The following PLB1 variants were observed in gnomAD, a reference collection of about 807,000 sequenced individuals.
PLB1 encodes the protein phospholipase B1, also known as phospholipase B1, membrane-associated.
PLB1 carries 242 observed loss-of-function variants against 227.4 expected under a neutral mutation model. The ratio of observed to expected loss-of-function variants is 1.06; its 90% CI spans 0.96 to 1.18. The LOEUF (loss-of-function observed/expected upper bound fraction) is 1.18. Ranked by LOEUF, PLB1 falls within the 50% of genes most tolerant of loss-of-function variation. The pLI, the probability that PLB1 is intolerant of heterozygous loss-of-function variation, is 0.00. For missense variants in PLB1, 1,858 were observed against 1,816.3 expected, an observed-to-expected ratio of 1.02 and a Z score of -0.42; for synonymous variants, 757 against 682.2, an observed-to-expected ratio of 1.11 and a Z score of -1.71.
intron 11 of PLB1, among the ~76,000 whole-genome samples, chr2:28,539,829 G>A (rs1386219597): frequency 6.6e-6 from 1 of 151,866 alleles, no homozygotes; most frequent in Admixed American, 6.6e-5. Context: ...CGGGGAGGAG[G>A]AGGACTGAGA....
intron 13 of PLB1, 50 bp downstream of exon 13, chr2:28,541,861 G>C: frequency 1.4e-6 from 2 of 1,441,390 alleles, no homozygotes; most frequent in Non-Finnish European, 1.9e-6. Flanking sequence ...GGCCGGGCAT[G>C]GTGGCTCACT....
intron 6 of PLB1, among the ~76,000 whole-genome samples, chr2:28,526,679 G>A (rs543541216): frequency 1.3e-5 from 2 of 152,210 alleles, no homozygotes; most frequent in Non-Finnish European, 2.9e-5. Flanking sequence ...AAACCACTTC[G>A]CCGTCCGTAT....
intron 23 of PLB1, among the ~76,000 whole-genome samples, chr2:28,581,491 AAATAAATAAAT>A (rs1558821390): frequency 1.3e-3 from 9 of 7,180 alleles, no homozygotes; most frequent in African/African-American, 3.1e-3. Context: ...GCAAAAAAAT[AAATAAATAAAT>A]AAATAAATAA....
At chr2:28,537,036 G>A (rs1303899031) in intron 9 of PLB1, among the ~76,000 whole-genome samples, 1 of 152,186 alleles carries the variant, frequency 6.6e-6, no homozygotes, top group Non-Finnish European at 1.5e-5. Flanking sequence ...GGAAAGAGAG[G>A]GTGATGTTTG....
intron 17 of PLB1, among the ~76,000 whole-genome samples, chr2:28,554,489 CTTT>C (rs536476788): frequency 7.5e-4 from 64 of 85,462 alleles, no homozygotes; most frequent in African/African-American, 2.3e-3. Context: ...CCACACCTGC[CTTT>C]TTTTTTTTTT....
chr2:28,573,439 A>G (rs1478269140), intron 21 of PLB1, 134 bp downstream of exon 21: 4 of 672,170 alleles, frequency 6.0e-6, no homozygotes, highest in Non-Finnish European at 7.9e-6. Flanking sequence ...CAAAGCCTGG[A>G]CAGAGCTCTC....
intron 25 of PLB1, among the ~76,000 whole-genome samples, chr2:28,585,225 A>C (rs1680704916): frequency 6.6e-6 from 1 of 152,130 alleles, no homozygotes. Context: ...TACAGAAATC[A>C]GAAGAAGTCT....
At chr2:28,557,148 G>A (rs1249695011) in intron 17 of PLB1, among the ~76,000 whole-genome samples, 4 of 152,100 alleles carry the variant, frequency 2.6e-5, no homozygotes, top group African/African-American at 7.2e-5. Context: ...GCTACTGAGC[G>A]AGTTCAAACT....
Position 28,643,251 on chromosome 2 carries a change from A to G in PLB1, c.*190A>G. ...TCCTGGAATGGATACATTTAAATAA[A>G]GTCCAAAGCTATTTTATTCCTGGGT... On this transcript the variant is annotated 3_prime_UTR_variant, in exon 58 of 58. Transcript: ENST00000327757. The G allele has an allele frequency of 4.0e-6, 2 of 501,024 alleles. No individual in the cohort carries two copies. The allele number at this position is 501,024 out of a possible 1,614,324, so 31.0% of individuals were successfully genotyped here.
chr2:28,546,935 C>T (rs1276124435), intron 14 of PLB1, among the ~76,000 whole-genome samples: 1 of 152,058 alleles, frequency 6.6e-6, no homozygotes, highest in Non-Finnish European at 1.5e-5. Flanking sequence ...CGTGGTGGCT[C>T]ATGCTTGTAA....
intron 1 of PLB1, among the ~76,000 whole-genome samples, chr2:28,499,268 G>T (rs1488171576): frequency 2.6e-5 from 4 of 151,676 alleles, no homozygotes; most frequent in Non-Finnish European, 5.9e-5. Context: ...GCTGTTTAAT[G>T]CTCCCACCAG....
chr2:28,608,424 G>A (rs1359697609), intron 43 of PLB1, among the ~76,000 whole-genome samples: 1 of 152,196 alleles, frequency 6.6e-6, no homozygotes, highest in Non-Finnish European at 1.5e-5. Context: ...ACGCAGTGGG[G>A]GGCGGGAGGC....
In PLB1 at chr2:28,541,795, C is replaced by T; in HGVS notation, c.863C>T (p.Thr288Ile). The change falls in exon 13 of 58, where the codon ACC becomes ATC. Residue 288 changes from threonine (T) to isoleucine (I), a missense_variant. Coordinates refer to ENST00000327757, the MANE Select transcript of PLB1 (RefSeq NM_153021.5). The part of the protein sequence containing the change: ...VVFQPFFYET[T>I]PSLHSEDPRL... ...TTCCAGCCTTTCTTCTATGAGACCACCCCATCTCTACACTCGGTAAGTGGG... is the reference window on the plus strand; with the variant it reads ...TTCCAGCCTTTCTTCTATGAGACCATCCCATCTCTACACTCGGTAAGTGGG... 2 of 1,610,492 alleles carry T rather than the reference C, an allele frequency of 1.2e-6. No individual in the cohort carries two copies. The highest frequency in any genetic ancestry group is 2.2e-5 in the East Asian group (1 of 44,672).
chr2:28,527,827 A>G (rs182733748), intron 6 of PLB1, among the ~76,000 whole-genome samples: 6 of 152,350 alleles, frequency 3.9e-5, no homozygotes, highest in African/African-American at 1.2e-4. Flanking sequence ...GCACTGACAC[A>G]GGTACCTTTC....
At chr2:28,560,863 T>C (rs7582333) in intron 17 of PLB1, among the ~76,000 whole-genome samples, 137,799 of 152,238 alleles carry the variant, frequency 0.91, 62,862 homozygotes, top group East Asian at 0.99. Context: ...CCAAGGTGGT[T>C]TTCTCTTTGC....
At position 28,525,903 on chromosome 2, in the gene PLB1, A is replaced by G; in HGVS notation, c.285-2A>G. 1 of 1,614,106 alleles carries G rather than the reference A, an allele frequency of 6.2e-7. No homozygotes were observed. The highest frequency in any genetic ancestry group is 8.5e-7 in the Non-Finnish European group (1 of 1,179,996). The stretch of plus-strand genomic sequence containing the variant: ...CACTCACATGCCTGCTTCTACCTGC[A>G]GGACTGAAAGGCCACAGCAGGTGTG... On this transcript the variant is annotated splice_acceptor_variant, in intron 5 of 57. Coordinates refer to ENST00000327757, the MANE Select transcript of PLB1 (RefSeq NM_153021.5). LOFTEE classifies it high-confidence loss of function.
chr2:28,626,481 CG>C lies in PLB1; in HGVS notation c.3634del (p.Asp1212ThrfsTer80). ...TGGTCACACTCTTCATTGGGGTCAA[CG>C]ACTTGTGTCATTACTGTGAGAATCC... ...KLVTLFIGVNDLCHYCENPEA... is the reference protein window; with the variant it reads ...KLVTLFIGVNXLCHYCENPEA... On this transcript the variant is annotated frameshift_variant, in exon 51 of 58. Transcript: ENST00000327757. LOFTEE classifies it high-confidence loss of function. The C allele has an allele frequency of 6.2e-7, 1 of 1,614,156 alleles. No homozygotes were observed. Among genetic ancestry groups the C allele is most frequent in the Non-Finnish European group, 8.5e-7 (1 of 1,179,998 alleles).
intron 43 of PLB1, among the ~76,000 whole-genome samples, chr2:28,612,934 T>A (rs116536913): frequency 1.3e-5 from 2 of 149,034 alleles, no homozygotes; most frequent in African/African-American, 2.5e-5. Flanking sequence ...TTTTTTTTTT[T>A]ATTGAAACAG....
At chr2:28,629,731 T>A (rs908354397) in intron 53 of PLB1, among the ~76,000 whole-genome samples, 9 of 152,288 alleles carry the variant, frequency 5.9e-5, no homozygotes, top group African/African-American at 1.9e-4. Context: ...TCTTATTCCA[T>A]CCTTGATGGG....
Sources: allele counts gnomAD v4.1 joint callset (sites outside exome capture counted in the v4.1 genomes callset), GRCh38; gene constraint gnomAD v4.1.1; transcripts MANE v1.5; gene names NCBI Gene and HGNC (gene_info 2026-07-23, HGNC 2026-07-21).